NRAS: variants seen among roughly 807,000 people sequenced by gnomAD.
NRAS encodes NRAS proto-oncogene, GTPase.
In NRAS, 6 loss-of-function variants were observed where a neutral mutation model predicts 21.3. The observed-to-expected ratio is 0.28, with a 90% CI of 0.15 to 0.56. The LOEUF (loss-of-function observed/expected upper bound fraction) is 0.56. Among genes scored for constraint, NRAS ranks in the 20% least tolerant of loss-of-function variants. The pLI is 0.93. For missense variants in NRAS, 143 were observed against 231.3 expected (o/e 0.62, Z 2.48); for synonymous variants, 84 against 82.0 (o/e 1.02, Z -0.13).
intron 3 of NRAS, among the ~76,000 whole-genome samples, chr1:114,711,904 G>A (rs1287752599): frequency 1.3e-5 from 2 of 152,146 alleles, no homozygotes; most frequent in Admixed American, 1.3e-4. Context: ...TTGAGCATTT[G>A]GTAGTCAAGG....
At chr1:114,716,511 A>ATTT (rs1659173243) in intron 1 of NRAS, 147 bp downstream of exon 1, 1 of 374,120 alleles carries the variant, frequency 2.7e-6, no homozygotes, top group African/African-American at 2.1e-5. Context: ...CTGTCTCCAA[A>ATTT]GATCTCCCCA....
At chr1:114,714,408 C>A (rs571696982) in intron 2 of NRAS, among the ~76,000 whole-genome samples, 1 of 152,128 alleles carries the variant, frequency 6.6e-6, no homozygotes, top group South Asian at 2.1e-4. Context: ...GCCCTATATA[C>A]ATCATTTGTG....
intron 3 of NRAS, among the ~76,000 whole-genome samples, chr1:114,710,547 G>GA (rs994618051): frequency 8.9e-4 from 135 of 151,344 alleles, no homozygotes; most frequent in Non-Finnish European, 1.7e-3. Flanking sequence ...AAAGAGAAAA[G>GA]AAAAAGAGAA....
chr1:114,709,199 G>A (rs9724639), intron 4 of NRAS, among the ~76,000 whole-genome samples: 3,320 of 152,284 alleles, frequency 0.022, 71 homozygotes, highest in South Asian at 0.091. Context: ...CACTCTGGGA[G>A]GCCCAGGTGG....
Position 114,705,993 on chromosome 1 carries a change from C to T in NRAS, c.*2101G>A, listed in dbSNP as rs1380725299. On this transcript the variant is annotated 3_prime_UTR_variant, in exon 7 of 7. Coordinates refer to ENST00000369535, the MANE Select transcript of NRAS (RefSeq NM_002524.5). Reference sequence around the variant, plus strand: ...TTTAAGAAAAAGAATCACTGCCAGTCACAGACATTTAAAAAAGAAATGACT... The same window carrying T: ...TTTAAGAAAAAGAATCACTGCCAGTTACAGACATTTAAAAAAGAAATGACT... 6.6e-6 allele frequency: 1 copy of T among 152,126 alleles called. No individual in the cohort carries two copies. The highest frequency in any genetic ancestry group is 1.5e-5 in the Non-Finnish European group (1 of 68,016). The allele number at this position is 152,126 out of a possible 1,614,324, so 9.4% of individuals were successfully genotyped here.
intron 2 of NRAS, among the ~76,000 whole-genome samples, chr1:114,715,201 A>G (rs1659129353): frequency 6.6e-6 from 1 of 151,934 alleles, no homozygotes; most frequent in Admixed American, 6.5e-5. Context: ...TAATTTTTGT[A>G]TTTTTAGTAG....
intron 4 of NRAS, among the ~76,000 whole-genome samples, chr1:114,709,133 C>T (rs1421303423): frequency 6.6e-6 from 1 of 152,142 alleles, no homozygotes; most frequent in Non-Finnish European, 1.5e-5. Flanking sequence ...AAAAAGAACA[C>T]TACTAAAAAT....
chr1:114,714,071 T>A (rs530327816), intron 2 of NRAS, 93 bp from the exon 3 acceptor site: 1 of 806,192 alleles, frequency 1.2e-6, no homozygotes. Context: ...CAAGGTTAAA[T>A]AAGCATCTAA....
At chr1:114,712,108 A>G (rs1460126388) in intron 3 of NRAS, among the ~76,000 whole-genome samples, 1 of 152,192 alleles carries the variant, frequency 6.6e-6, no homozygotes, top group African/African-American at 2.4e-5. Flanking sequence ...TACCTGGACC[A>G]TGTCACTGTC....
chr1:114,710,128 T>C (rs1344920627), intron 3 of NRAS, among the ~76,000 whole-genome samples: 1 of 150,538 alleles, frequency 6.6e-6, no homozygotes, highest in African/African-American at 2.5e-5. Flanking sequence ...GAGGCGAAGA[T>C]TGCAGTGAGC....
Position 114,706,255 on chromosome 1 carries a change from T to C in NRAS, c.*1839A>G, listed in dbSNP as rs1178390480. ...AAATGAAAATTCATAATATAGAAGA[T>C]GGAGGACCTCAGTAAGTATTTAGAT... On this transcript the variant is annotated 3_prime_UTR_variant, in exon 7 of 7. Coordinates refer to ENST00000369535, the MANE Select transcript of NRAS (RefSeq NM_002524.5). 1 of 152,186 alleles carries C rather than the reference T, an allele frequency of 6.6e-6. No homozygotes were observed. The highest frequency in any genetic ancestry group is 1.9e-4 in the East Asian group (1 of 5,196). 9.4% of individuals were successfully genotyped at this position (152,186 alleles called of 1,614,324 possible). A position where few individuals can be genotyped will look rare whatever the true frequency, so the allele number is the denominator to read the frequency against.
intron 5 of NRAS, 99 bp from the exon 6 acceptor site, chr1:114,708,291 T>A (rs1455196725): frequency 1.8e-6 from 1 of 541,070 alleles, no homozygotes; most frequent in Non-Finnish European, 3.3e-6. Flanking sequence ...ATGCCTACAT[T>A]TCATAAATAA....
At position 114,713,924 on chromosome 1, in the gene NRAS, G is replaced by C. The variant is rs758182152; in HGVS notation, c.166C>G (p.Leu56Val). ...TACTCTTCTTGTCCAGCTGTATCCA[G>C]TATGTCCAACAAACAGGTTTCACCA... The part of the protein sequence containing the change: ...IDGETCLLDI[L>V]DTAGQEEYSA... The change falls in exon 3 of 7, where the codon CTG becomes GTG. Residue 56 changes from leucine (L) to valine (V), a missense_variant. Leu to Val is a conservative substitution (Grantham distance 32). Coordinates refer to ENST00000369535, the MANE Select transcript of NRAS (RefSeq NM_002524.5). 6.4e-7 allele frequency: 1 copy of C among 1,569,048 alleles called. No individual in the cohort carries two copies. The highest frequency in any genetic ancestry group is 8.7e-7 in the Non-Finnish European group (1 of 1,151,362).
intron 3 of NRAS, among the ~76,000 whole-genome samples, chr1:114,710,012 G>GA (rs1659005300): frequency 6.6e-6 from 1 of 151,672 alleles, no homozygotes; most frequent in Admixed American, 6.6e-5. Context: ...CCAATATGGT[G>GA]AAACCCCATC....
chr1:114,710,112 A>G (rs1570871826), intron 3 of NRAS, among the ~76,000 whole-genome samples: 1 of 150,830 alleles, frequency 6.6e-6, no homozygotes, highest in Non-Finnish European at 1.5e-5. Context: ...AATCGCTTGA[A>G]CCTGGGAGGC....
chr1:114,708,325 C>T (rs1163494209), intron 5 of NRAS, 133 bp from the exon 6 acceptor site: 19 of 589,752 alleles, frequency 3.2e-5, no homozygotes, highest in Non-Finnish European at 5.1e-5. Context: ...CTAATGTTAC[C>T]AAAAATATAA....
rs915717381 is a variant in NRAS at position 114,704,766 on chromosome 1, C to T, written c.*3328G>A. ...CATACAATTCCATCTTAGGTCAGTA[C>T]TCAGGCTTTTAAAAATCATCTTACG... On this transcript the variant is annotated 3_prime_UTR_variant, in exon 7 of 7. Transcript: ENST00000369535. 8 of 152,186 alleles carry T rather than the reference C, an allele frequency of 5.3e-5. No homozygotes were observed. The highest frequency in any genetic ancestry group is 1.0e-4 in the Non-Finnish European group (7 of 68,026). The allele number at this position is 152,186 out of a possible 1,614,324, so 9.4% of individuals were successfully genotyped here.
At chr1:114,716,213 C>A (rs2100995785) in intron 1 of NRAS, 36 bp from the exon 2 acceptor site, 2 of 1,155,810 alleles carry the variant, frequency 1.7e-6, no homozygotes, top group Non-Finnish European at 2.6e-6. Flanking sequence ...AATTGGCGAG[C>A]CACATCTACA....
intron 3 of NRAS, among the ~76,000 whole-genome samples, chr1:114,713,125 CTTGCT>C (rs1390430933): frequency 2.0e-5 from 3 of 152,092 alleles, no homozygotes; most frequent in Non-Finnish European, 4.4e-5. Context: ...TTTATGTTCC[CTTGCT>C]TTGTTTTCAT....
Sources: gnomAD v4.1 joint callset for allele counts (sites outside exome capture counted in the v4.1 genomes callset) on GRCh38, gnomAD v4.1.1 for gene constraint, MANE v1.5 for transcripts, NCBI Gene and HGNC (gene_info 2026-07-23, HGNC 2026-07-21) for gene names.